NCK2: variants seen among roughly 807,000 people sequenced by gnomAD.
NCK2 encodes NCK adaptor protein 2, also known as cytoplasmic protein NCK2.
A neutral mutation model predicts 33.9 loss-of-function variants in NCK2; 16 were observed. That is an observed-to-expected ratio of 0.47 (90% CI 0.32 to 0.72). NCK2 has a LOEUF of 0.72. Among genes scored for constraint, NCK2 ranks in the 30% least tolerant of loss-of-function variants. NCK2 has a pLI of 0.03. For synonymous variants in NCK2, 273 were observed against 239.9 expected (o/e 1.14, Z -1.27); for missense variants, 418 against 537.3 (o/e 0.78, Z 2.19).
chr2:105,760,903 C>A (rs763293648), intron 1 of NCK2, among the ~76,000 whole-genome samples: 1 of 152,054 alleles, frequency 6.6e-6, no homozygotes, highest in Non-Finnish European at 1.5e-5. Flanking sequence ...TCATGCCTTG[C>A]GCTTTGGGAC....
chr2:105,787,786 C>T (rs1233530104), intron 1 of NCK2, among the ~76,000 whole-genome samples: 1 of 152,184 alleles, frequency 6.6e-6, no homozygotes, highest in Non-Finnish European at 1.5e-5. Context: ...TTCTTGATGA[C>T]AGTGAGGGAA....
Position 105,893,184 on chromosome 2 carries a change from C to G in NCK2, c.*8C>G. ...GTCAGGGCCCTGCAGTGACGGCGCC[C>G]CGGCCCCACACTCGCCTCCCGGGCC... On this transcript the variant is annotated 3_prime_UTR_variant, in exon 5 of 5. Coordinates refer to ENST00000233154, the MANE Select transcript of NCK2 (RefSeq NM_003581.5). The G allele has an allele frequency of 6.3e-7, 1 of 1,577,150 alleles. No homozygotes were observed. The highest frequency in any genetic ancestry group is 2.3e-5 in the East Asian group (1 of 42,834).
intron 1 of NCK2, among the ~76,000 whole-genome samples, chr2:105,796,094 C>G (rs1256543491): frequency 6.6e-6 from 1 of 152,138 alleles, no homozygotes; most frequent in East Asian, 1.9e-4. Context: ...GATACAGGTC[C>G]CAAGAAGACA....
chr2:105,848,939 A>G (rs1462836566), intron 2 of NCK2, among the ~76,000 whole-genome samples: 1 of 152,186 alleles, frequency 6.6e-6, no homozygotes, highest in Non-Finnish European at 1.5e-5. Flanking sequence ...TTTTTCTACT[A>G]ACTGAACTCT....
intron 2 of NCK2, among the ~76,000 whole-genome samples, chr2:105,824,605 C>T (rs553255808): frequency 6.6e-6 from 1 of 152,068 alleles, no homozygotes; most frequent in Non-Finnish European, 1.5e-5. Context: ...GTCATTTTCC[C>T]AGTCGTTAAG....
intron 2 of NCK2, among the ~76,000 whole-genome samples, chr2:105,820,510 T>C (rs1675686394): frequency 6.6e-6 from 1 of 152,150 alleles, no homozygotes; most frequent in African/African-American, 2.4e-5. Flanking sequence ...TGCATTTCCC[T>C]ACCCTGTTTT....
At chr2:105,776,180 C>T (rs996389451) in intron 1 of NCK2, among the ~76,000 whole-genome samples, 3 of 152,182 alleles carry the variant, frequency 2.0e-5, no homozygotes, top group African/African-American at 7.2e-5. Context: ...CCATTCGCTC[C>T]CACTTCCTGT....
rs61292600 is a variant in NCK2 at position 105,831,521 on chromosome 2, T to G, written c.-17+14908T>G. 6.1e-3 allele frequency among the ~76,000 whole-genome samples: 926 copies of G among 152,226 alleles called. 4 individuals are homozygous for G. The highest frequency in any genetic ancestry group is 0.018 in the African/African-American group (738 of 41,534). ...ATTTTCTTCTAGTAGGTTTATAGTT[T>G]GGGGGCTTACATTTAAGTCTTTAAT... On this transcript the variant is annotated intron_variant, in intron 2 of 4. Coordinates refer to ENST00000233154, the MANE Select transcript of NCK2 (RefSeq NM_003581.5).
At chr2:105,815,447 G>A (rs1196108912) in intron 1 of NCK2, among the ~76,000 whole-genome samples, 1 of 152,214 alleles carries the variant, frequency 6.6e-6, no homozygotes, top group Non-Finnish European at 1.5e-5. Flanking sequence ...TGAGTGAACT[G>A]TCAAGACAGA....
At chr2:105,831,344 C>G (rs1489165891) in intron 2 of NCK2, among the ~76,000 whole-genome samples, 2 of 150,794 alleles carry the variant, frequency 1.3e-5, no homozygotes, top group African/African-American at 4.9e-5. Context: ...GCAAAAAGAA[C>G]AAAGCTGGAG....
intron 1 of NCK2, among the ~76,000 whole-genome samples, chr2:105,792,542 A>C (rs182895681): frequency 5.8e-4 from 88 of 152,290 alleles, no homozygotes; most frequent in African/African-American, 2.1e-3. Flanking sequence ...TGTTAAAGTC[A>C]GAATCCACGT....
chr2:105,810,517 AC>A (rs1675254366), intron 1 of NCK2, among the ~76,000 whole-genome samples: 3 of 152,326 alleles, frequency 2.0e-5, no homozygotes, highest in African/African-American at 7.2e-5. Context: ...CATGCTTTTT[AC>A]TGGTGTTGTC....
intron 1 of NCK2, among the ~76,000 whole-genome samples, chr2:105,776,073 G>A (rs1222709463): frequency 6.6e-6 from 1 of 152,230 alleles, no homozygotes; most frequent in Admixed American, 6.5e-5. Context: ...GTGGCCTGGA[G>A]CATGTCCCTT....
intron 1 of NCK2, among the ~76,000 whole-genome samples, chr2:105,771,298 G>A (rs1393377522): frequency 6.6e-6 from 1 of 151,898 alleles, no homozygotes; most frequent in Non-Finnish European, 1.5e-5. Flanking sequence ...CTGGCGGGGT[G>A]GCTCACGTGT....
chr2:105,889,057 G>A (rs1285405115), intron 4 of NCK2, among the ~76,000 whole-genome samples: 2 of 152,230 alleles, frequency 1.3e-5, no homozygotes, highest in African/African-American at 4.8e-5. Flanking sequence ...GCCAACCGTG[G>A]AAGGACTGCA....
intron 2 of NCK2, among the ~76,000 whole-genome samples, chr2:105,841,567 G>C (rs182572682): frequency 1.2e-4 from 19 of 152,250 alleles, no homozygotes; most frequent in African/African-American, 3.4e-4. Flanking sequence ...AGGCATGACT[G>C]GTTAAACCCT....
At chr2:105,753,327 C>T (rs1189264242) in intron 1 of NCK2, among the ~76,000 whole-genome samples, 2 of 152,124 alleles carry the variant, frequency 1.3e-5, no homozygotes, top group East Asian at 1.9e-4. Flanking sequence ...TCACTGAGGA[C>T]CATTGGCCTG....
intron 1 of NCK2, among the ~76,000 whole-genome samples, chr2:105,794,553 G>A (rs1691008536): frequency 6.6e-6 from 1 of 151,988 alleles, no homozygotes; most frequent in African/African-American, 2.4e-5. Context: ...TTATCTCACA[G>A]GGGAAATACA....
intron 4 of NCK2, among the ~76,000 whole-genome samples, chr2:105,884,677 T>C (rs893534219): frequency 5.3e-5 from 8 of 152,200 alleles, no homozygotes; most frequent in African/African-American, 1.9e-4. Flanking sequence ...CAGTAAGTGC[T>C]GGGTATTTCA....
Sources: gnomAD v4.1 joint callset for allele counts (sites outside exome capture counted in the v4.1 genomes callset) on GRCh38, gnomAD v4.1.1 for gene constraint, MANE v1.5 for transcripts, NCBI Gene and HGNC (gene_info 2026-07-23, HGNC 2026-07-21) for gene names.